The following CACNA2D3 variants were observed in gnomAD, a reference collection of about 807,000 sequenced individuals.
The protein encoded by CACNA2D3 is voltage-dependent calcium channel subunit alpha-2/delta-3.
A neutral mutation model predicts 160.6 loss-of-function variants in CACNA2D3; 60 were observed. The ratio of observed to expected loss-of-function variants is 0.37; its 90% CI spans 0.30 to 0.46. CACNA2D3 has a LOEUF of 0.46. Among genes scored for constraint, CACNA2D3 ranks in the 20% least tolerant of loss-of-function variants. CACNA2D3 has a pLI of 1.00. For synonymous variants in CACNA2D3, 558 were observed against 492.9 expected, an observed-to-expected ratio of 1.13 and a Z score of -1.75; for missense variants, 1,205 against 1,365.0, an observed-to-expected ratio of 0.88 and a Z score of 1.85.
Position 54,338,467 on chromosome 3 carries a change from C to CTGTGTGTGTGTGTGTGTGTGTG in CACNA2D3, c.321+17933_321+17954dup, listed in dbSNP as rs71074965. Among the ~76,000 whole-genome samples the CTGTGTGTGTGTGTGTGTGTGTG allele has an allele frequency of 1.4e-3, 192 of 136,520 alleles. 2 individuals carry two copies. Among genetic ancestry groups the CTGTGTGTGTGTGTGTGTGTGTG allele is most frequent in the South Asian group, 0.012 (46 of 3,842 alleles). The allele number at this position is 136,520 out of a possible 152,430, so 89.6% of individuals were successfully genotyped here. A position where few individuals can be genotyped will look rare whatever the true frequency, so the allele number is the denominator to read the frequency against. ...TTATAGCTCTCTTCATCTCCCCTCC[C>CTGTGTGTGTGTGTGTGTGTGTG]TGTGTGTGTGTGTGTGTGTGTGTGT... On this transcript the variant is annotated intron_variant, in intron 3 of 37. Coordinates refer to ENST00000474759, the MANE Select transcript of CACNA2D3 (RefSeq NM_018398.3).
chr3:54,570,344 A>G (rs922843650), intron 8 of CACNA2D3, among the ~76,000 whole-genome samples: 1 of 152,154 alleles, frequency 6.6e-6, no homozygotes, highest in Non-Finnish European at 1.5e-5. Flanking sequence ...CCGCCACACC[A>G]TCTGAGAGAA....
chr3:54,984,743 G>A (rs1702579653), intron 30 of CACNA2D3, 73 bp downstream of exon 30: 2 of 893,540 alleles, frequency 2.2e-6, no homozygotes, highest in Admixed American at 5.2e-5. Flanking sequence ...ACAAATTATG[G>A]TGTTAAAACT....
At chr3:54,756,398 C>G (rs1436123900) in intron 12 of CACNA2D3, among the ~76,000 whole-genome samples, 1 of 152,146 alleles carries the variant, frequency 6.6e-6, no homozygotes, top group Admixed American at 6.6e-5. Context: ...GGTTTTGGAC[C>G]ATGTAACATC....
intron 4 of CACNA2D3, among the ~76,000 whole-genome samples, chr3:54,484,289 C>T (rs1700979704): frequency 6.6e-6 from 1 of 152,164 alleles, no homozygotes; most frequent in Non-Finnish European, 1.5e-5. Context: ...TTCCTATTCT[C>T]CATGACCCCC....
rs1417427673 is a variant in CACNA2D3, at chr3:54,318,763, T to C, written c.205-1679T>C. ...AGGCTGGAGTACAGTGGGATAATCATAGCTCACTGCAGCCTCAACCTCCCA... is the reference window on the plus strand; with the variant it reads ...AGGCTGGAGTACAGTGGGATAATCACAGCTCACTGCAGCCTCAACCTCCCA... On this transcript the variant is annotated intron_variant, in intron 2 of 37. Transcript: ENST00000474759. Among the ~76,000 whole-genome samples, 3 of 147,764 alleles carry C rather than the reference T, an allele frequency of 2.0e-5. No individual in the cohort carries two copies. In the East Asian group the frequency reaches 6.2e-4, roughly 31 times the overall value.
In CACNA2D3 at chr3:55,051,149, A is replaced by T. The variant is rs1401996248; in HGVS notation, c.2988-22296A>T. On this transcript the variant is annotated intron_variant, in intron 35 of 37. Transcript: ENST00000474759. ...CAGCTTTGTTCCATTGCTGGTGAGGAACTGTGTTCCTTTGGAGGAGGAGAG... is the reference window on the plus strand; with the variant it reads ...CAGCTTTGTTCCATTGCTGGTGAGGTACTGTGTTCCTTTGGAGGAGGAGAG... Among the ~76,000 whole-genome samples, 863 of 152,186 alleles carry T rather than the reference A, an allele frequency of 5.7e-3. 4 individuals are homozygous for T. The highest frequency in any genetic ancestry group is 7.6e-3 in the Non-Finnish European group (519 of 67,998).
chr3:54,271,390 C>A (rs1282182385), intron 2 of CACNA2D3, among the ~76,000 whole-genome samples: 1 of 152,176 alleles, frequency 6.6e-6, no homozygotes, highest in Non-Finnish European at 1.5e-5. Context: ...CACCAACCCA[C>A]TGGAGTTGGC....
In CACNA2D3 at chr3:54,549,441, G is replaced by A. The variant is rs182389713; in HGVS notation, c.545-13359G>A. 2.0e-3 allele frequency among the ~76,000 whole-genome samples: 309 copies of A among 152,260 alleles called. 2 individuals carry two copies. The highest frequency in any genetic ancestry group is 3.2e-3 in the Non-Finnish European group (220 of 68,026). ...GGCCTGGGCGAAAGAGCGAGACTCC[G>A]TCTCAAAAACAAAAAAAACAACAAA... On this transcript the variant is annotated intron_variant, in intron 5 of 37. Coordinates refer to ENST00000474759, the MANE Select transcript of CACNA2D3 (RefSeq NM_018398.3).
intron 3 of CACNA2D3, among the ~76,000 whole-genome samples, chr3:54,327,772 A>G (rs1182887534): frequency 6.6e-6 from 1 of 152,184 alleles, no homozygotes; most frequent in Admixed American, 6.5e-5. Flanking sequence ...GTTTTTCAGC[A>G]TCTTAGTTTT....
intron 5 of CACNA2D3, among the ~76,000 whole-genome samples, chr3:54,510,699 A>G (rs1701445877): frequency 6.6e-6 from 1 of 152,168 alleles, no homozygotes; most frequent in Admixed American, 6.5e-5. Flanking sequence ...TGCTATGAGT[A>G]TCAGCATGGT....
intron 11 of CACNA2D3, among the ~76,000 whole-genome samples, chr3:54,671,644 C>T (rs182870361): frequency 1.4e-3 from 219 of 152,240 alleles, no homozygotes; most frequent in African/African-American, 5.0e-3. Flanking sequence ...CACGGAAATA[C>T]AGCTGCTCCA....
intron 35 of CACNA2D3, among the ~76,000 whole-genome samples, chr3:55,061,066 A>G (rs1037510662): frequency 6.6e-6 from 1 of 152,236 alleles, no homozygotes; most frequent in Non-Finnish European, 1.5e-5. Context: ...AGTCATTATC[A>G]TGGCTCTTAC....
intron 2 of CACNA2D3, among the ~76,000 whole-genome samples, chr3:54,276,954 G>GC (rs763673434): frequency 1.2e-4 from 19 of 152,170 alleles, no homozygotes; most frequent in Admixed American, 3.9e-4. Flanking sequence ...ATGAGCTATG[G>GC]CCCACCGCAG....
intron 17 of CACNA2D3, among the ~76,000 whole-genome samples, chr3:54,862,432 T>C (rs1442821457): frequency 6.6e-6 from 1 of 151,960 alleles, no homozygotes. Context: ...TGATGAAGGC[T>C]CAGCATTCTG....
intron 2 of CACNA2D3, among the ~76,000 whole-genome samples, chr3:54,276,402 C>T (rs1045167175): frequency 2.0e-5 from 3 of 151,962 alleles, no homozygotes; most frequent in East Asian, 3.9e-4. Flanking sequence ...AACCCTGTCT[C>T]TACTAAAAAA....
intron 9 of CACNA2D3, among the ~76,000 whole-genome samples, chr3:54,619,174 C>T (rs1698927256): frequency 6.6e-6 from 1 of 152,188 alleles, no homozygotes; most frequent in African/African-American, 2.4e-5. Flanking sequence ...GCTTAGTTCC[C>T]TGAGATGCAC....
chr3:54,512,290 A>G (rs1467630824), intron 5 of CACNA2D3, among the ~76,000 whole-genome samples: 2 of 152,226 alleles, frequency 1.3e-5, no homozygotes, highest in Admixed American at 6.5e-5. Flanking sequence ...GGCTCAGACC[A>G]TGCTTCTTGC....
rs371063592 is a variant in CACNA2D3 at position 54,466,259 on chromosome 3, G to A, written c.382-37233G>A. 3.9e-5 allele frequency among the ~76,000 whole-genome samples: 6 copies of A among 152,322 alleles called. No homozygotes were observed. The South Asian group carries it at 1.0e-3, about 26-fold the overall frequency. ...TTCAGAATTCTGACTACCACAGTGA[G>A]TGTTGTATAAATTTTTTTTTGATGT... is the stretch of plus-strand genomic sequence containing the variant. On this transcript the variant is annotated intron_variant, in intron 4 of 37. Transcript: ENST00000474759.
chr3:54,545,232 T>C (rs1313282136), intron 5 of CACNA2D3, among the ~76,000 whole-genome samples: 1 of 152,254 alleles, frequency 6.6e-6, no homozygotes, highest in Non-Finnish European at 1.5e-5. Context: ...CTCAAAATTT[T>C]TAAAAATATT....
Sources: allele counts gnomAD v4.1 joint callset (sites outside exome capture counted in the v4.1 genomes callset), GRCh38; gene constraint gnomAD v4.1.1; transcripts MANE v1.5; gene names NCBI Gene and HGNC (gene_info 2026-07-23, HGNC 2026-07-21).